The following XPC variants were observed in gnomAD, a reference collection of about 807,000 sequenced individuals.
The protein encoded by XPC is XPC complex subunit, DNA damage recognition and repair factor.
Under a neutral mutation model 95.8 loss-of-function variants are expected in XPC, and 76 were observed. The ratio of observed to expected loss-of-function variants is 0.79; its 90% CI spans 0.66 to 0.96. The LOEUF (loss-of-function observed/expected upper bound fraction) is 0.96. Among genes scored for constraint, XPC ranks in the 40% least tolerant of loss-of-function variants. XPC has a pLI of 0.00. For missense variants in XPC, 1,146 were observed against 1,179.8 expected (o/e 0.97, Z 0.42); for synonymous variants, 442 against 442.1 (o/e 1.00, Z 0.00).
At chr3:14,154,833 AAT>A (rs1383275575) in intron 10 of XPC, among the ~76,000 whole-genome samples, 5 of 23,274 alleles carry the variant, frequency 2.1e-4, no homozygotes, top group Non-Finnish European at 3.2e-4. Flanking sequence ...TATATATATA[AAT>A]ATATATAATT....
chr3:14,152,824 A>C, intron 10 of XPC: 1 of 166,722 alleles, frequency 6.0e-6, no homozygotes, highest in Non-Finnish European at 1.3e-5. Context: ...TGCTGTTAAC[A>C]CCATGTGGGG....
At chr3:14,170,989 T>C (rs916193235) in intron 2 of XPC, among the ~76,000 whole-genome samples, 2 of 152,154 alleles carry the variant, frequency 1.3e-5, no homozygotes, top group South Asian at 4.1e-4. Context: ...TTAAGAAATA[T>C]GATGTAAGGA....
In XPC at chr3:14,158,387, G is replaced by A. The variant is rs2228000; in HGVS notation, c.1496C>T (p.Ala499Val). 393,549 of 1,613,464 alleles carry A rather than the reference G, an allele frequency of 0.24. 50,315 individuals carry two copies. Among genetic ancestry groups the A allele is most frequent in the East Asian group, 0.35 (15,552 of 44,814 alleles). Residue 499 changes from alanine to valine, a missense_variant, in exon 9 of 16, where the codon GCG (alanine) becomes GTG (valine). Transcript: ENST00000285021. This position sits in a 1 kb window ranked among gnomAD's most constrained non-coding sequence, Gnocchi z 5.2. Reference sequence around the variant, plus strand: ...ACTGCTTGAAGAGCTTGAGGATGCCGCTGGCAAGCTTGGGTCCTTACGATG... The same window carrying A: ...ACTGCTTGAAGAGCTTGAGGATGCCACTGGCAAGCTTGGGTCCTTACGATG... ...GSHRKDPSLP[A>V]ASSSSSSSKR...
chr3:14,150,030 G>A (rs1411261535), intron 11 of XPC: 1 of 152,230 alleles, frequency 6.6e-6, no homozygotes, highest in Non-Finnish European at 1.5e-5. Context: ...TACAATTCAG[G>A]TAACTGTCCA....
In XPC at chr3:14,152,318, C is replaced by A. The variant is rs71306081; in HGVS notation, c.2115+17G>T. On this transcript the variant is annotated intron_variant, in intron 11 of 15. Coordinates refer to ENST00000285021, the MANE Select transcript of XPC (RefSeq NM_004628.5). ...CTGTGTCACCACTCCCCACAGGGAC[C>A]CCCCAGCTCCAGTTACCTTGTAGGG... is the stretch of plus-strand genomic sequence containing the variant. 7,668 of 1,609,468 alleles carry A rather than the reference C, an allele frequency of 4.8e-3. 22 individuals carry two copies. The highest frequency in any genetic ancestry group is 6.0e-3 in the Non-Finnish European group (7,029 of 1,177,868).
chr3:14,174,306 G>A (rs1451880851), intron 1 of XPC, among the ~76,000 whole-genome samples: 1 of 148,822 alleles, frequency 6.7e-6, no homozygotes, highest in Non-Finnish European at 1.5e-5. Flanking sequence ...CAAGGCCAGA[G>A]GTTGCATAAA....
chr3:14,169,380 C>A lies in XPC; in HGVS notation c.413-1000G>T, dbSNP rs1381026082. ...GATATTGAAACAAGTTTAACACCAC[C>A]ATGAGATGTGTGACTGTTTATCAGA... On this transcript the variant is annotated intron_variant, in intron 3 of 15. Transcript: ENST00000285021. 2.6e-5 allele frequency among the ~76,000 whole-genome samples: 4 copies of A among 152,276 alleles called. No individual in the cohort carries two copies. In the East Asian group the frequency reaches 7.7e-4, roughly 29 times the overall value.
At chr3:14,147,481 CT>C in intron 14 of XPC, 102 bp from the exon 15 acceptor site, 1 of 1,117,030 alleles carries the variant, frequency 9.0e-7, no homozygotes, top group Non-Finnish European at 1.3e-6. Flanking sequence ...ATATACACCA[CT>C]TTAGAATATA....
chr3:14,162,042 G>T (rs1335086040), intron 7 of XPC, among the ~76,000 whole-genome samples: 2 of 152,078 alleles, frequency 1.3e-5, no homozygotes, highest in Non-Finnish European at 2.9e-5. Context: ...AGAAAACAAT[G>T]CTATTTCCAA....
In XPC at chr3:14,145,190, C is replaced by A; in HGVS notation, c.*751G>T. 1 of 512,490 alleles carries A rather than the reference C, an allele frequency of 2.0e-6. No individual in the cohort carries two copies. The highest frequency in any genetic ancestry group is 3.0e-5 in the South Asian group (1 of 32,916). The allele number at this position is 512,490 out of a possible 1,614,324, so 31.7% of individuals were successfully genotyped here. On this transcript the variant is annotated 3_prime_UTR_variant, in exon 16 of 16. Coordinates refer to ENST00000285021, the MANE Select transcript of XPC (RefSeq NM_004628.5). ...TATTTTCTCAAAATGTTATAAAAGT[C>A]ATTTCTCCTTAGTACAGAGAGCTTT...
At chr3:14,167,350 A>T in intron 4 of XPC, 97 bp from the exon 5 acceptor site, 5 of 1,058,998 alleles carry the variant, frequency 4.7e-6, no homozygotes, top group Admixed American at 2.3e-5. Flanking sequence ...ACAGTGAATC[A>T]CTCTCCCTGT....
chr3:14,145,422 T>C lies in XPC; in HGVS notation c.*519A>G, dbSNP rs1240857085. On this transcript the variant is annotated 3_prime_UTR_variant, in exon 16 of 16. Coordinates refer to ENST00000285021, the MANE Select transcript of XPC (RefSeq NM_004628.5). ...TCTCTCCCCTACTGCAAAGAGGCAG[T>C]GAGGGCAGCATTAGTAAGCCTGACT... is the stretch of plus-strand genomic sequence containing the variant. 1 of 697,764 alleles carries C rather than the reference T, an allele frequency of 1.4e-6. No homozygotes were observed. Among genetic ancestry groups the C allele is most frequent in the East Asian group, 2.7e-5 (1 of 37,230 alleles). 43.2% of individuals were successfully genotyped at this position (697,764 alleles called of 1,614,324 possible).
At chr3:14,171,235 C>T (rs1441692741) in intron 2 of XPC, among the ~76,000 whole-genome samples, 2 of 152,192 alleles carry the variant, frequency 1.3e-5, no homozygotes, top group Non-Finnish European at 2.9e-5. Flanking sequence ...AACTTTGGCA[C>T]TTGGTACCAA....
chr3:14,150,827 C>T (rs1695658565), intron 11 of XPC, among the ~76,000 whole-genome samples: 1 of 152,166 alleles, frequency 6.6e-6, no homozygotes, highest in South Asian at 2.1e-4. Flanking sequence ...CTGGACCCCA[C>T]AGGGCACAGA....
At position 14,178,128 on chromosome 3, in the gene XPC, T is replaced by C. The variant is rs1017153576; in HGVS notation, c.103+338A>G. 2.6e-5 allele frequency among the ~76,000 whole-genome samples: 4 copies of C among 152,248 alleles called. 1 individual carries two copies. In the South Asian group the frequency reaches 6.2e-4, roughly 24 times the overall value. On this transcript the variant is annotated intron_variant, in intron 1 of 15. Transcript: ENST00000285021. ...CGGGAGTCAGCACACTGCATCACTCTACGTCCTGGTCCGTCCGTCTGTCTT... is the reference window on the plus strand; with the variant it reads ...CGGGAGTCAGCACACTGCATCACTCCACGTCCTGGTCCGTCCGTCTGTCTT...
chr3:14,165,512 A>AT lies in XPC; in HGVS notation c.694dup (p.Ile232AsnfsTer37). The AT allele has an allele frequency of 6.2e-7, 1 of 1,611,154 alleles. No individual in the cohort carries two copies. The highest frequency in any genetic ancestry group is 8.5e-7 in the Non-Finnish European group (1 of 1,178,688). On this transcript the variant is annotated frameshift_variant, in exon 6 of 16. Coordinates refer to ENST00000285021, the MANE Select transcript of XPC (RefSeq NM_004628.5). LOFTEE classifies it high-confidence loss of function. ...GCGGGCTGGGATGATGGACAGGCCA[A>AT]TAGCATGCAGATCTGGCTGGCTGCA...
Position 14,168,160 on chromosome 3 carries a change from A to G in XPC, c.536+97T>C. On this transcript the variant is annotated intron_variant, in intron 4 of 15. Transcript: ENST00000285021. ...AAGGTTCTCGACCACTTTGATACTC[A>G]GTCCTGGTCCCCTACAAGTTTCTCC... 3 of 1,440,384 alleles carry G rather than the reference A, an allele frequency of 2.1e-6. 1 individual carries two copies. Among genetic ancestry groups the G allele is most frequent in the South Asian group, 3.1e-5 (2 of 64,582 alleles). 89.2% of individuals were successfully genotyped at this position (1,440,384 alleles called of 1,614,324 possible).
chr3:14,163,619 AATGCGT>A (rs1404876222), intron 7 of XPC, among the ~76,000 whole-genome samples: 2 of 152,210 alleles, frequency 1.3e-5, no homozygotes, highest in Admixed American at 1.3e-4. Flanking sequence ...TGAGGAGTTT[AATGCGT>A]ATATACAGGG....
At chr3:14,150,174 AGTG>A (rs1343070262) in intron 11 of XPC, among the ~76,000 whole-genome samples, 1 of 152,194 alleles carries the variant, frequency 6.6e-6, no homozygotes, top group Non-Finnish European at 1.5e-5. Context: ...TGGGGAGTGA[AGTG>A]GTGAGAGGGG....
Sources: allele counts gnomAD v4.1 joint callset (sites outside exome capture counted in the v4.1 genomes callset), GRCh38; gene constraint gnomAD v4.1.1; non-coding constraint Gnocchi (gnomAD v3.1); transcripts MANE v1.5; gene names NCBI Gene and HGNC (gene_info 2026-07-23, HGNC 2026-07-21).